Variants in CEP63 observed in about 807,000 individuals in gnomAD.
CEP63 encodes centrosomal protein 63.
In CEP63, 84 loss-of-function variants were observed where a neutral mutation model predicts 89.1. The ratio of observed to expected loss-of-function variants is 0.94; its 90% CI spans 0.79 to 1.13. The LOEUF is 1.13. Among genes scored for constraint, CEP63 ranks in the 50% most tolerant of loss-of-function variants. The pLI is 0.00. For synonymous variants in CEP63, 267 were observed against 272.5 expected (o/e 0.98, Z 0.20); for missense variants, 838 against 813.3 (o/e 1.03, Z -0.37).
At chr3:134,530,652 C>A (rs747206937) in intron 3 of CEP63, among the ~76,000 whole-genome samples, 1 of 152,046 alleles carries the variant, frequency 6.6e-6, no homozygotes, top group African/African-American at 2.4e-5. Context: ...TTCCTTTCAT[C>A]CAGAAATTCA....
At chr3:134,510,772 G>A (rs960597768) in intron 3 of CEP63, 3 of 378,010 alleles carry the variant, frequency 7.9e-6, no homozygotes, top group Non-Finnish European at 1.0e-5. Context: ...TCTGCCTCTG[G>A]TGTCCCACCC....
chr3:134,573,122 G>C (rs952124541), intron 11 of CEP63, among the ~76,000 whole-genome samples: 1 of 152,100 alleles, frequency 6.6e-6, no homozygotes, highest in Non-Finnish European at 1.5e-5. Flanking sequence ...CTTTTTGCTT[G>C]TTGAGTTGTT....
chr3:134,701,767 G>A, the CEP63 span, among the ~76,000 whole-genome samples: 4 of 152,086 alleles, frequency 2.6e-5, no homozygotes, highest in Non-Finnish European at 4.4e-5. Context: ...TGTTCAAATA[G>A]CAAGAGAGGA....
intron 5 of CEP63, chr3:134,536,059 C>A (rs1320483160): frequency 6.6e-6 from 1 of 152,132 alleles, no homozygotes; most frequent in East Asian, 1.9e-4. Flanking sequence ...CTATTCTTTC[C>A]ACCCAGAATA....
the CEP63 span, among the ~76,000 whole-genome samples, chr3:134,647,022 T>C: frequency 6.6e-6 from 1 of 152,178 alleles, no homozygotes; most frequent in Admixed American, 6.5e-5. Flanking sequence ...TATAGAACCC[T>C]TGAGTGGCAT....
At chr3:134,519,089 A>G (rs911642336) in intron 3 of CEP63, among the ~76,000 whole-genome samples, 45 of 151,846 alleles carry the variant, frequency 3.0e-4, no homozygotes, top group African/African-American at 9.9e-4. Flanking sequence ...AGCATACAAG[A>G]AAGGTTGAGA....
chr3:134,670,845 G>A, the CEP63 span, among the ~76,000 whole-genome samples: 87 of 152,194 alleles, frequency 5.7e-4, no homozygotes, highest in Admixed American at 4.6e-4. Context: ...CAGTTACAAT[G>A]CACTAGATCT....
chr3:134,537,756 T>C (rs1053905284), intron 6 of CEP63, among the ~76,000 whole-genome samples: 4 of 152,190 alleles, frequency 2.6e-5, no homozygotes, highest in Non-Finnish European at 5.9e-5. Flanking sequence ...TCCATCCCTA[T>C]GGTCACTGGG....
the CEP63 span, among the ~76,000 whole-genome samples, chr3:134,745,034 C>A: frequency 6.6e-6 from 1 of 152,186 alleles, no homozygotes; most frequent in Non-Finnish European, 1.5e-5. Flanking sequence ...AGGTAGTGAA[C>A]ATACCTATCA....
chr3:134,653,598 G>A, the CEP63 span, among the ~76,000 whole-genome samples: 1 of 152,184 alleles, frequency 6.6e-6, no homozygotes, highest in East Asian at 1.9e-4. Context: ...CCATTCTTGG[G>A]CTGAGAGGGA....
chr3:134,525,476 C>A (rs1948449710), intron 3 of CEP63, among the ~76,000 whole-genome samples: 1 of 152,100 alleles, frequency 6.6e-6, no homozygotes, highest in Non-Finnish European at 1.5e-5. Flanking sequence ...GATTCTTTAT[C>A]CAGCTTGCCA....
chr3:134,566,273 AG>A (rs1382126006), downstream of CEP63, among the ~76,000 whole-genome samples: 2 of 152,194 alleles, frequency 1.3e-5, no homozygotes, highest in East Asian at 1.9e-4. Flanking sequence ...AGTAGTTGAT[AG>A]GGGAAGGTCT....
the CEP63 span, among the ~76,000 whole-genome samples, chr3:134,778,590 G>A: frequency 2.6e-5 from 4 of 151,154 alleles, no homozygotes; most frequent in East Asian, 2.0e-4. Flanking sequence ...ACAGAGTCTC[G>A]CTCTGTCACC....
chr3:134,504,024 G>A (rs1210291726), intron 2 of CEP63, among the ~76,000 whole-genome samples: 13 of 151,680 alleles, frequency 8.6e-5, no homozygotes, highest in South Asian at 2.1e-4. Context: ...AACTCTTGTC[G>A]TTTTGTTAAT....
the CEP63 span, among the ~76,000 whole-genome samples, chr3:134,715,676 G>A: frequency 6.6e-6 from 1 of 151,928 alleles, no homozygotes; most frequent in Non-Finnish European, 1.5e-5. Flanking sequence ...AGAGGGCTTT[G>A]GCCCCAAAGG....
chr3:134,701,448 A>G, the CEP63 span, among the ~76,000 whole-genome samples: 2 of 138,886 alleles, frequency 1.4e-5, no homozygotes, highest in South Asian at 4.6e-4. Flanking sequence ...ATATACATAT[A>G]TATGTGTATA....
downstream of CEP63, among the ~76,000 whole-genome samples, chr3:134,588,443 C>G (rs1013349605): frequency 1.3e-5 from 2 of 151,988 alleles, no homozygotes; most frequent in South Asian, 2.1e-4. Context: ...AAAAAAATAT[C>G]TAAGTGTTCG....
the CEP63 span, among the ~76,000 whole-genome samples, chr3:134,773,151 A>G: frequency 0.85 from 129,355 of 152,120 alleles, 55,074 homozygotes; most frequent in East Asian, 0.92. Flanking sequence ...CAGGTGGAGA[A>G]TAATGGCATC....
At chr3:134,575,036 A>G (rs1958164927), downstream of CEP63, 1 of 401,468 alleles carries the variant, frequency 2.5e-6, no homozygotes, top group Non-Finnish European at 4.4e-6. Context: ...AAAGCTTCTC[A>G]TCAATACGGA....
Sources: allele counts gnomAD v4.1 joint callset (sites outside exome capture counted in the v4.1 genomes callset), GRCh38; gene constraint gnomAD v4.1.1; transcripts MANE v1.5; gene names NCBI Gene and HGNC (gene_info 2026-07-23, HGNC 2026-07-21).